ABCC8: variants seen among roughly 807,000 people sequenced by gnomAD.
The protein encoded by ABCC8 is ATP-binding cassette sub-family C member 8.
Under a neutral mutation model 188.0 loss-of-function variants are expected in ABCC8, and 137 were observed. That is an observed-to-expected ratio of 0.73 (90% CI 0.63 to 0.84). The LOEUF (loss-of-function observed/expected upper bound fraction) is 0.84. ABCC8 is among the 40% of genes least tolerant of loss of function. The pLI is 0.00. For missense variants in ABCC8, 1,750 were observed against 2,072.7 expected (o/e 0.84, Z 3.02); for synonymous variants, 797 against 846.5 (o/e 0.94, Z 1.01).
intron 23 of ABCC8, chr11:17,408,066 GT>G (rs571044310): frequency 4.2e-4 from 115 of 272,842 alleles, no homozygotes; most frequent in African/African-American, 2.5e-3. Context: ...GGACTTTTTG[GT>G]TTCATGGGTC....
chr11:17,430,510 T>G (rs1591803581), intron 12 of ABCC8: 1 of 424,060 alleles, frequency 2.4e-6, no homozygotes, highest in East Asian at 4.8e-5. Flanking sequence ...GACCAGTGGG[T>G]AGAATTTAGG....
rs1393643594 is a variant in ABCC8, at chr11:17,435,722, C to A, written c.1631-3478G>T. ...GACAGTACAGTAAGAACCGGGACAA[C>A]CACTCCAGATTGGTATAGCTGGGGA... On this transcript the variant is annotated intron_variant, in intron 10 of 38. Coordinates refer to ENST00000389817, the MANE Select transcript of ABCC8 (RefSeq NM_000352.6). 2.2e-6 allele frequency: 3 copies of A among 1,372,328 alleles called. No homozygotes were observed. The African/African-American group carries it at 4.3e-5, about 20-fold the overall frequency. The allele number at this position is 1,372,328 out of a possible 1,614,324, so 85.0% of individuals were successfully genotyped here.
intron 12 of ABCC8, 30 bp from the exon 13 acceptor site, chr11:17,428,700 C>T (rs746960108): frequency 1.2e-6 from 2 of 1,608,886 alleles, no homozygotes; most frequent in South Asian, 1.1e-5. Context: ...ACACCCCTCA[C>T]CCCTGCCAGG....
chr11:17,464,644 G>A (rs942212365), intron 3 of ABCC8, among the ~76,000 whole-genome samples: 2 of 152,198 alleles, frequency 1.3e-5, no homozygotes, highest in Non-Finnish European at 2.9e-5. Context: ...TTTAAGACCT[G>A]GGGAAGGTAA....
chr11:17,446,103 C>T (rs570320608), intron 8 of ABCC8, among the ~76,000 whole-genome samples: 2 of 151,888 alleles, frequency 1.3e-5, no homozygotes, highest in African/African-American at 4.8e-5. Flanking sequence ...GTAGCTGAGA[C>T]TACAGGCACA....
intron 26 of ABCC8, 89 bp from the exon 27 acceptor site, chr11:17,405,652 T>C: frequency 6.2e-7 from 1 of 1,603,176 alleles, no homozygotes; most frequent in Non-Finnish European, 8.5e-7. Flanking sequence ...TTCATGTAAG[T>C]GTCTCTGGAG....
Position 17,427,884 on chromosome 11 carries a change from G to C in ABCC8, c.2099C>G (p.Thr700Ser), listed in dbSNP as rs1240800582. The change falls in exon 15 of 39, where the codon ACC (threonine) becomes AGC (serine). Residue 700 changes from threonine (T) to serine (S), a missense_variant. Coordinates refer to ENST00000389817, the MANE Select transcript of ABCC8 (RefSeq NM_000352.6). This position sits in a 1 kb window ranked among gnomAD's most constrained non-coding sequence, Gnocchi z 5.0. ...GGCCATACCTCGGGGGATACGAATG[G>C]TGATGTTGGACAGTGTGGGGATTCC... ...PDGIPTLSNI[T>S]IRIPRGQLTM... is the part of the protein sequence containing the mutation. 1.2e-6 allele frequency: 2 copies of C among 1,614,150 alleles called. No homozygotes were observed. Among genetic ancestry groups the C allele is most frequent in the East Asian group, 4.5e-5 (2 of 44,884 alleles).
chr11:17,410,742 A>G, intron 21 of ABCC8, 89 bp from the exon 22 acceptor site: 1 of 1,572,674 alleles, frequency 6.4e-7, no homozygotes, highest in Middle Eastern at 1.7e-4. Flanking sequence ...TTAGAGTTCT[A>G]TCAACTCTGC....
chr11:17,443,631 T>C (rs551823584), intron 8 of ABCC8, among the ~76,000 whole-genome samples: 2 of 152,280 alleles, frequency 1.3e-5, no homozygotes, highest in South Asian at 4.2e-4. Context: ...GATTGCACAA[T>C]GTTTGTGACA....
chr11:17,461,590 G>A lies in ABCC8; in HGVS notation c.815C>T (p.Ala272Val). ...GGCTGTGCCCCCACTGACCACCTGG[G>A]CGTCAAAGGCCTCGCAGAGCCGTTG... ...NYQRLCEAFD[A>V]QVRKDIQGTQ... The change falls in exon 5 of 39, where the codon GCC becomes GTC. Residue 272 changes from alanine (A) to valine (V), a missense_variant. Ala to Val is a moderately conservative substitution (Grantham distance 64). Coordinates refer to ENST00000389817, the MANE Select transcript of ABCC8 (RefSeq NM_000352.6). 1 of 1,614,220 alleles carries A rather than the reference G, an allele frequency of 6.2e-7. No homozygotes were observed. Among genetic ancestry groups the A allele is most frequent in the African/African-American group, 1.3e-5 (1 of 75,066 alleles).
chr11:17,471,294 G>A (rs1848465000), intron 2 of ABCC8, among the ~76,000 whole-genome samples: 1 of 152,210 alleles, frequency 6.6e-6, no homozygotes, highest in Admixed American at 6.5e-5. Context: ...GCACAAAGGA[G>A]GGGGTGGGCA....
intron 3 of ABCC8, 24 bp from the exon 4 acceptor site, chr11:17,463,628 G>A (rs1247317883): frequency 1.3e-5 from 21 of 1,559,652 alleles, no homozygotes; most frequent in African/African-American, 2.7e-5. Context: ...ATGGAAGATC[G>A]CAGAGACGTG....
chr11:17,442,816 A>G lies in ABCC8; in HGVS notation c.1534T>C (p.Tyr512His). 6.2e-7 allele frequency: 1 copy of G among 1,614,060 alleles called. No individual in the cohort carries two copies. The highest frequency in any genetic ancestry group is 1.1e-5 in the South Asian group (1 of 91,046). ...MLRGIKLLKL[Y>H]AWENIFRTRV... Reference sequence around the variant, plus strand: ...GTGCGGAAGATGTTCTCCCAGGCGTACAGCTTCAGCAGCTTGATGCCGCGG... The same window carrying G: ...GTGCGGAAGATGTTCTCCCAGGCGTGCAGCTTCAGCAGCTTGATGCCGCGG... Residue 512 changes from tyrosine to histidine, a missense_variant, in exon 10 of 39, where the codon TAC (tyrosine) becomes CAC (histidine). Coordinates refer to ENST00000389817, the MANE Select transcript of ABCC8 (RefSeq NM_000352.6).
intron 10 of ABCC8, chr11:17,435,816 G>A: frequency 1.6e-6 from 2 of 1,265,208 alleles, no homozygotes; most frequent in East Asian, 2.3e-5. Flanking sequence ...ACATGAGAGG[G>A]AAGATGAGTG....
intron 24 of ABCC8, 49 bp from the exon 25 acceptor site, chr11:17,407,178 G>A (rs1298925468): frequency 1.2e-6 from 2 of 1,600,068 alleles, no homozygotes; most frequent in East Asian, 4.5e-5. Flanking sequence ...CCATCCCTCT[G>A]AGGGTGAATC....
intron 10 of ABCC8, among the ~76,000 whole-genome samples, chr11:17,436,918 A>G (rs958692742): frequency 1.3e-4 from 20 of 151,854 alleles, no homozygotes; most frequent in African/African-American, 4.8e-4. Flanking sequence ...GTGAAACCCC[A>G]TCTCTACTAA....
chr11:17,416,547 C>G (rs1449313468), intron 17 of ABCC8, among the ~76,000 whole-genome samples: 1 of 152,186 alleles, frequency 6.6e-6, no homozygotes, highest in East Asian at 1.9e-4. Context: ...TCTCCACTAT[C>G]TAATTCCAAA....
At chr11:17,446,028 C>T (rs185088576) in intron 8 of ABCC8, among the ~76,000 whole-genome samples, 28 of 150,308 alleles carry the variant, frequency 1.9e-4, no homozygotes, top group Admixed American at 1.0e-3. Flanking sequence ...CGCAGTGACA[C>T]GATCTCAGCT....
chr11:17,457,861 C>A (rs1957051210), intron 6 of ABCC8, among the ~76,000 whole-genome samples: 1 of 152,216 alleles, frequency 6.6e-6, no homozygotes, highest in Non-Finnish European at 1.5e-5. Context: ...GTGCCAACTG[C>A]TGCAGGATGG....
Sources: gnomAD v4.1 joint callset for allele counts (sites outside exome capture counted in the v4.1 genomes callset) on GRCh38, gnomAD v4.1.1 for gene constraint, Gnocchi (gnomAD v3.1) non-coding constraint, MANE v1.5 for transcripts, NCBI Gene and HGNC (gene_info 2026-07-23, HGNC 2026-07-21) for gene names.